The following CADPS2 variants were observed in gnomAD, a reference collection of about 807,000 sequenced individuals.
CADPS2 encodes calcium dependent secretion activator 2.
In CADPS2, 93 loss-of-function variants were observed where a neutral mutation model predicts 172.5. The observed-to-expected ratio is 0.54, with a 90% CI of 0.46 to 0.64. The LOEUF is 0.64. CADPS2 is among the 30% of genes least tolerant of loss of function. CADPS2 has a pLI of 0.00. For synonymous variants in CADPS2, 546 were observed against 555.2 expected (o/e 0.98, Z 0.23); for missense variants, 1,420 against 1,565.9 (o/e 0.91, Z 1.57).
intron 1 of CADPS2, among the ~76,000 whole-genome samples, chr7:122,877,639 G>A (rs1821539033): frequency 1.3e-5 from 2 of 151,978 alleles, no homozygotes; most frequent in Admixed American, 1.3e-4. Context: ...AAATTAACTT[G>A]ATTATAAATG....
chr7:122,441,580 A>T lies in CADPS2; in HGVS notation c.2289-5T>A. On this transcript the variant is annotated splice_polypyrimidine_tract_variant and splice_region_variant and intron_variant, in intron 15 of 29. Coordinates refer to ENST00000449022, the MANE Select transcript of CADPS2 (RefSeq NM_017954.11). ...CGTCCAAAGGGAAAACAGTATCTTT[A>T]AAAACAAAAGAAAGAACAAAAGAGT... 1 of 1,522,034 alleles carries T rather than the reference A, an allele frequency of 6.6e-7. No homozygotes were observed. Among genetic ancestry groups the T allele is most frequent in the Non-Finnish European group, 8.8e-7 (1 of 1,134,082 alleles). 94.3% of individuals were successfully genotyped at this position (1,522,034 alleles called of 1,614,324 possible). A position where few individuals can be genotyped will look rare whatever the true frequency, so the allele number is the denominator to read the frequency against.
At chr7:122,588,480 G>C (rs572640363) in intron 6 of CADPS2, among the ~76,000 whole-genome samples, 88 of 151,858 alleles carry the variant, frequency 5.8e-4, no homozygotes, top group African/African-American at 2.1e-3. Context: ...CTTGTTGTCA[G>C]GTTTGTCACG....
intron 28 of CADPS2, among the ~76,000 whole-genome samples, chr7:122,333,073 G>T (rs2035264169): frequency 6.6e-6 from 1 of 152,106 alleles, no homozygotes; most frequent in Admixed American, 6.6e-5. Flanking sequence ...TAATGGTTTG[G>T]CTCATTGATA....
intron 1 of CADPS2, among the ~76,000 whole-genome samples, chr7:122,879,007 G>A (rs1487730724): frequency 4.6e-5 from 7 of 151,968 alleles, no homozygotes; most frequent in South Asian, 2.1e-4. Flanking sequence ...AGGCTGAGGC[G>A]GGCAGATCAC....
At chr7:122,503,034 T>A (rs1360716804) in intron 9 of CADPS2, among the ~76,000 whole-genome samples, 10 of 148,984 alleles carry the variant, frequency 6.7e-5, no homozygotes, top group African/African-American at 1.5e-4. Flanking sequence ...AAAAAACTTT[T>A]TTTTTTTTTT....
At chr7:122,583,800 C>G (rs1462370045) in intron 6 of CADPS2, among the ~76,000 whole-genome samples, 4 of 150,926 alleles carry the variant, frequency 2.7e-5, no homozygotes, top group African/African-American at 7.3e-5. Context: ...ATATCATATA[C>G]ATCACATCAT....
chr7:122,409,965 G>A (rs1440584860), intron 19 of CADPS2, among the ~76,000 whole-genome samples: 1 of 152,214 alleles, frequency 6.6e-6, no homozygotes, highest in African/African-American at 2.4e-5. Flanking sequence ...TAGTGTAAAT[G>A]AGATGGCAGA....
intron 14 of CADPS2, among the ~76,000 whole-genome samples, chr7:122,463,685 G>A (rs1247121334): frequency 2.0e-5 from 3 of 152,080 alleles, no homozygotes; most frequent in Non-Finnish European, 4.4e-5. Context: ...TAAGGAGGGT[G>A]GGAGAAAAAG....
intron 3 of CADPS2, among the ~76,000 whole-genome samples, chr7:122,650,420 T>C (rs891795980): frequency 3.3e-5 from 5 of 152,122 alleles, no homozygotes; most frequent in Admixed American, 3.3e-4. Context: ...TTTTTAGTAT[T>C]ACTACCACAA....
chr7:122,347,761 T>C (rs1313017852), intron 27 of CADPS2, among the ~76,000 whole-genome samples: 1 of 152,220 alleles, frequency 6.6e-6, no homozygotes, highest in Admixed American at 6.5e-5. Context: ...AGCAAGATTA[T>C]ACATTGGCTC....
At chr7:122,644,546 C>G (rs959549454) in intron 3 of CADPS2, among the ~76,000 whole-genome samples, 2 of 152,134 alleles carry the variant, frequency 1.3e-5, no homozygotes, top group Admixed American at 6.5e-5. Context: ...TAATGGTGAA[C>G]GACTTGCGTT....
intron 1 of CADPS2, among the ~76,000 whole-genome samples, chr7:122,862,303 G>C (rs765779040): frequency 6.6e-6 from 1 of 152,162 alleles, no homozygotes; most frequent in Non-Finnish European, 1.5e-5. Context: ...TGTGCCTTGG[G>C]AGGCTAAGGA....
At chr7:122,715,652 A>G (rs571536947) in intron 2 of CADPS2, among the ~76,000 whole-genome samples, 1 of 152,128 alleles carries the variant, frequency 6.6e-6, no homozygotes, top group East Asian at 1.9e-4. Flanking sequence ...GTCATCTTCT[A>G]TGGTCAAAAT....
At chr7:122,685,109 C>T (rs1297838433) in intron 2 of CADPS2, among the ~76,000 whole-genome samples, 3 of 151,840 alleles carry the variant, frequency 2.0e-5, no homozygotes, top group African/African-American at 4.8e-5. Context: ...CTTTTTAATC[C>T]CAGAATCTGA....
rs554017785 is a variant in CADPS2, at chr7:122,807,367, T to C, written c.340-70299A>G. On this transcript the variant is annotated intron_variant, in intron 1 of 29. Coordinates refer to ENST00000449022, the MANE Select transcript of CADPS2 (RefSeq NM_017954.11). Reference sequence around the variant, plus strand: ...GGCCCACCTGAACCCATGAGAGGTGTTCCAGGCCTGCCAGCCTCAAGTTGC... The same window carrying C: ...GGCCCACCTGAACCCATGAGAGGTGCTCCAGGCCTGCCAGCCTCAAGTTGC... Among the ~76,000 whole-genome samples, 26 of 152,326 alleles carry C rather than the reference T, an allele frequency of 1.7e-4. No homozygotes were observed. In the South Asian group the frequency reaches 5.4e-3, roughly 32 times the overall value.
Position 122,554,697 on chromosome 7 carries a change from G to GAA in CADPS2, c.1336-10_1336-9dup, listed in dbSNP as rs139130136. ...AGTTGGGTATAATATCACCTGTATG[G>GAA]AAAAAAAAACCCACATTTAAACGCA... On this transcript the variant is annotated splice_polypyrimidine_tract_variant and intron_variant, in intron 7 of 29. Transcript: ENST00000449022. 1,117 of 1,539,134 alleles carry GAA rather than the reference G, an allele frequency of 7.3e-4. No homozygotes were observed. Among genetic ancestry groups the GAA allele is most frequent in the Middle Eastern group, 1.0e-3 (6 of 5,736 alleles).
intron 1 of CADPS2, among the ~76,000 whole-genome samples, chr7:122,739,753 A>G (rs898113006): frequency 6.6e-6 from 1 of 152,218 alleles, no homozygotes; most frequent in Non-Finnish European, 1.5e-5. Flanking sequence ...GCAGGAAAAG[A>G]AAACTAAACT....
chr7:122,862,678 T>G (rs1199062131), intron 1 of CADPS2, among the ~76,000 whole-genome samples: 2 of 152,106 alleles, frequency 1.3e-5, no homozygotes, highest in Non-Finnish European at 2.9e-5. Context: ...GTGACAACTA[T>G]TTTTTGCTGG....
chr7:122,731,064 T>C (rs538898039), intron 2 of CADPS2, among the ~76,000 whole-genome samples: 18 of 122,426 alleles, frequency 1.5e-4, no homozygotes, highest in African/African-American at 4.1e-4. Context: ...CAGCAAATGG[T>C]GGTGGGGGTG....
Sources: gnomAD v4.1 joint callset for allele counts (sites outside exome capture counted in the v4.1 genomes callset) on GRCh38, gnomAD v4.1.1 for gene constraint, MANE v1.5 for transcripts, NCBI Gene and HGNC (gene_info 2026-07-23, HGNC 2026-07-21) for gene names.